Variants in WDR82 observed in about 807,000 individuals in gnomAD.
WDR82 encodes WD repeat domain 82, also known as WD repeat-containing protein 82.
Under a neutral mutation model 36.1 loss-of-function variants are expected in WDR82, and 8 were observed. That is an observed-to-expected ratio of 0.22 (90% confidence interval 0.13 to 0.40). WDR82 has a LOEUF of 0.40. Among genes scored for constraint, WDR82 ranks in the 10% least tolerant of loss-of-function variants. The pLI, the probability that WDR82 is intolerant of heterozygous loss-of-function variation, is 1.00. For synonymous variants in WDR82, 129 were observed against 137.8 expected (o/e 0.94, Z 0.45); for missense variants, 185 against 400.5 (o/e 0.46, Z 4.59).
chr3:52,259,756 C>T lies in WDR82; in HGVS notation c.660G>A (p.Leu220=). The change falls in exon 6 of 9, where the codon CTG becomes CTA. Residue 220 remains leucine (L), a synonymous_variant. Coordinates refer to ENST00000296490, the MANE Select transcript of WDR82 (RefSeq NM_025222.4). ...TCACCACTCCTTTGAATGCATCAATCAGACGAATGAAGCTGCCGTTGGTGG... is the reference window on the plus strand; with the variant it reads ...TCACCACTCCTTTGAATGCATCAATTAGACGAATGAAGCTGCCGTTGGTGG... ...LISTNGSFIR[L]IDAFKGVVMH... 8 of 1,614,042 alleles carry T rather than the reference C, an allele frequency of 5.0e-6. No homozygotes were observed. Among genetic ancestry groups the T allele is most frequent in the Non-Finnish European group, 6.8e-6 (8 of 1,179,972 alleles).
At position 52,254,849 on chromosome 3, in the gene WDR82, C is replaced by T. The variant is rs994328379; in HGVS notation, c.*2641G>A. The T allele has an allele frequency of 1.3e-5, 2 of 152,344 alleles. No homozygotes were observed. Among genetic ancestry groups the T allele is most frequent in the Non-Finnish European group, 2.9e-5 (2 of 68,158 alleles). The allele number at this position is 152,344 out of a possible 1,614,324, so 9.4% of individuals were successfully genotyped here. A position where few individuals can be genotyped will look rare whatever the true frequency, so the allele number is the denominator to read the frequency against. On this transcript the variant is annotated 3_prime_UTR_variant, in exon 9 of 9. Transcript: ENST00000296490. ...GCCCCAGCCCTCAGCATCTCTTCCACTCGCTTCCAGCTATATCTTTTCCCT... is the reference window on the plus strand; with the variant it reads ...GCCCCAGCCCTCAGCATCTCTTCCATTCGCTTCCAGCTATATCTTTTCCCT...
At chr3:52,266,848 G>A in intron 3 of WDR82, 104 bp downstream of exon 3, 1 of 919,904 alleles carries the variant, frequency 1.1e-6, no homozygotes, top group South Asian at 1.4e-5. Context: ...AAGCAGTAGT[G>A]AGGAAGTAGC....
intron 2 of WDR82, chr3:52,267,996 TTCACAGGGGTGCTTTC>T (rs757971298): frequency 9.6e-6 from 2 of 207,874 alleles, no homozygotes; most frequent in Non-Finnish European, 2.0e-5. Context: ...ATCCCAGGGG[TTCACAGGGGTGCTTTC>T]TAATAAGAGG....
chr3:52,278,014 CTTTT>C (rs370927208), intron 1 of WDR82, 183 bp downstream of exon 1: 17 of 425,856 alleles, frequency 4.0e-5, no homozygotes, highest in African/African-American at 3.1e-4. Flanking sequence ...CTATCGTTAT[CTTTT>C]TTTTTTAAGA....
chr3:52,278,321 G>C lies in WDR82; in HGVS notation c.41C>G (p.Ala14Gly). The part of the protein sequence containing the change: ...TDSVLRSFRV[A>G]KVFRENSDKI... ...GTCCGAGTTTTCGCGGAACACCTTA[G>C]CGACGCGGAAGCTCCGCAACACGCT... The change falls in exon 1 of 9, where the codon GCT (alanine) becomes GGT (glycine). Residue 14 changes from alanine to glycine, a missense_variant. Around this residue, in one of 3 missense-constraint regions of WDR82, gnomAD observed 49 missense variants for 80.6 expected, o/e 0.61. Transcript: ENST00000296490. 1.9e-6 allele frequency: 3 copies of C among 1,601,432 alleles called. No homozygotes were observed. The highest frequency in any genetic ancestry group is 2.6e-6 in the Non-Finnish European group (3 of 1,175,548).
At chr3:52,274,924 A>C (rs886707190) in intron 1 of WDR82, among the ~76,000 whole-genome samples, 32 of 151,874 alleles carry the variant, frequency 2.1e-4, no homozygotes, top group Non-Finnish European at 3.8e-4. Context: ...CAAAACAAAC[A>C]AACAAACAAA....
intron 1 of WDR82, among the ~76,000 whole-genome samples, chr3:52,275,375 G>A (rs187049285): frequency 6.6e-6 from 1 of 152,280 alleles, no homozygotes; most frequent in East Asian, 1.9e-4. Context: ...ACCCAAAGAA[G>A]TAATCTGACC....
chr3:52,278,561 A>T lies in WDR82; in HGVS notation c.-200T>A. 1 of 441,234 alleles carries T rather than the reference A, an allele frequency of 2.3e-6. No homozygotes were observed. The allele number at this position is 441,234 out of a possible 1,614,324, so 27.3% of individuals were successfully genotyped here. On this transcript the variant is annotated 5_prime_UTR_variant, in exon 1 of 9. Coordinates refer to ENST00000296490, the MANE Select transcript of WDR82 (RefSeq NM_025222.4). ...CTGCCTGGACTGTGGAGCCTCGCCG[A>T]CCGTTCGTCCTCACAGCCACCTCAC...
rs963331413 is a variant in WDR82, at chr3:52,256,077, C to T, written c.*1413G>A. 2.0e-5 allele frequency: 3 copies of T among 153,742 alleles called. No homozygotes were observed. Among genetic ancestry groups the T allele is most frequent in the Non-Finnish European group, 4.4e-5 (3 of 68,068 alleles). 9.5% of individuals were successfully genotyped at this position (153,742 alleles called of 1,614,324 possible). A position where few individuals can be genotyped will look rare whatever the true frequency, so the allele number is the denominator to read the frequency against. On this transcript the variant is annotated 3_prime_UTR_variant, in exon 9 of 9. Coordinates refer to ENST00000296490, the MANE Select transcript of WDR82 (RefSeq NM_025222.4). ...ACACACACAGGCACAGACAGAGTAC[C>T]ACCAAGCAAAAAGGGGGCTAATACT...
At chr3:52,262,624 G>C (rs979201594) in intron 3 of WDR82, among the ~76,000 whole-genome samples, 2 of 152,158 alleles carry the variant, frequency 1.3e-5, no homozygotes, top group African/African-American at 4.8e-5. Flanking sequence ...GCTGTTTTGG[G>C]CACCACACCT....
At chr3:52,260,570 C>T in intron 4 of WDR82, 69 bp from the exon 5 acceptor site, 1 of 1,075,786 alleles carries the variant, frequency 9.3e-7, no homozygotes, top group Non-Finnish European at 1.3e-6. Context: ...TAACCAAAGA[C>T]TGCTGGTACA....
rs557460519 is a variant in WDR82, at chr3:52,254,733, A to C, written c.*2757T>G. 1 of 152,364 alleles carries C rather than the reference A, an allele frequency of 6.6e-6. No homozygotes were observed. Among genetic ancestry groups the C allele is most frequent in the South Asian group, 2.1e-4 (1 of 4,824 alleles). 9.4% of individuals were successfully genotyped at this position (152,364 alleles called of 1,614,324 possible). Reference sequence around the variant, plus strand: ...AATAAACATCAGTGGCTTTGGCCCCAATTCTTAAGGTGGCAAACGCCGCTG... The same window carrying C: ...AATAAACATCAGTGGCTTTGGCCCCCATTCTTAAGGTGGCAAACGCCGCTG... On this transcript the variant is annotated 3_prime_UTR_variant, in exon 9 of 9. Coordinates refer to ENST00000296490, the MANE Select transcript of WDR82 (RefSeq NM_025222.4).
At chr3:52,273,595 G>A (rs746049955) in intron 1 of WDR82, among the ~76,000 whole-genome samples, 2 of 151,904 alleles carry the variant, frequency 1.3e-5, no homozygotes, top group Non-Finnish European at 2.9e-5. Flanking sequence ...GAAATCTACT[G>A]CCTCATTTCA....
Position 52,271,794 on chromosome 3 carries a change from C to G in WDR82, c.162-985G>C, listed in dbSNP as rs1041274005. Among the ~76,000 whole-genome samples the G allele has an allele frequency of 2.6e-5, 4 of 152,168 alleles. 1 individual carries two copies. Among genetic ancestry groups the G allele is most frequent in the African/African-American group, 9.7e-5 (4 of 41,446 alleles). On this transcript the variant is annotated intron_variant, in intron 1 of 8. Transcript: ENST00000296490. ...TAGTTCCTTTGCTTTTACTTTAAAG[C>G]AAAATCACACATTTCTGGCCACAAG...
At chr3:52,273,480 T>C (rs61644644) in intron 1 of WDR82, among the ~76,000 whole-genome samples, 22,087 of 147,896 alleles carry the variant, frequency 0.15, 2,074 homozygotes, top group African/African-American at 0.27. Flanking sequence ...ACTTGACAAG[T>C]TGAAAGAGAA....
intron 8 of WDR82, 32 bp downstream of exon 8, chr3:52,258,504 T>TG: frequency 6.2e-7 from 1 of 1,612,300 alleles, no homozygotes; most frequent in South Asian, 1.1e-5. Context: ...GAAGGGTCCC[T>TG]GAGTAGCAGA....
At chr3:52,271,055 G>A (rs951640518) in intron 1 of WDR82, among the ~76,000 whole-genome samples, 2 of 151,944 alleles carry the variant, frequency 1.3e-5, no homozygotes, top group African/African-American at 2.4e-5. Flanking sequence ...TAAATCTGGG[G>A]ATTCAATTCA....
chr3:52,272,557 A>G (rs994090369), intron 1 of WDR82, among the ~76,000 whole-genome samples: 2 of 151,890 alleles, frequency 1.3e-5, no homozygotes, highest in East Asian at 1.9e-4. Flanking sequence ...AAAAAAAAAA[A>G]GAAAAATAAA....
chr3:52,272,797 G>A (rs1053515994), intron 1 of WDR82, among the ~76,000 whole-genome samples: 8 of 152,094 alleles, frequency 5.3e-5, no homozygotes, highest in African/African-American at 9.7e-5. Flanking sequence ...AAACAATCAC[G>A]ACTCAAGCAG....
Sources: gnomAD v4.1 joint callset for allele counts (sites outside exome capture counted in the v4.1 genomes callset) on GRCh38, gnomAD v4.1.1 for gene constraint, gnomAD v4.1.1 regional missense constraint, MANE v1.5 for transcripts, NCBI Gene and HGNC (gene_info 2026-07-23, HGNC 2026-07-21) for gene names.